NUDC: variants seen among roughly 807,000 people sequenced by gnomAD.
The protein encoded by NUDC is nuclear distribution C, dynein complex regulator.
In NUDC, 14 loss-of-function variants were observed where a neutral mutation model predicts 45.0. The ratio of observed to expected loss-of-function variants is 0.31; its 90% CI spans 0.21 to 0.49. The LOEUF is 0.49. NUDC is among the 20% of genes least tolerant of loss of function. The probability of loss-of-function intolerance (pLI) is 0.99; values close to 1 mark genes in which losing one functional copy is unlikely to be tolerated. For missense variants in NUDC, 323 were observed against 426.2 expected, an observed-to-expected ratio of 0.76 and a Z score of 2.13; for synonymous variants, 153 against 156.7, an observed-to-expected ratio of 0.98 and a Z score of 0.17.
rs1352463386 is a variant in NUDC at position 26,924,155 on chromosome 1, A to G, written c.148A>G (p.Met50Val). The G allele has an allele frequency of 1.2e-6, 2 of 1,614,054 alleles. No homozygotes were observed. Among genetic ancestry groups the G allele is most frequent in the Non-Finnish European group, 1.7e-6 (2 of 1,179,936 alleles). Residue 50 changes from methionine to valine, a missense_variant, in exon 2 of 9, where the codon ATG becomes GTG. Physicochemically the swap from Met to Val is conservative, Grantham distance 21. This residue lies in a region of NUDC where 245 missense variants were observed against 278.8 expected (regional missense o/e 0.88). Coordinates refer to ENST00000321265, the MANE Select transcript of NUDC (RefSeq NM_006600.4). ...CTTTTTCATTGGAGGAGAAGAAGGGATGGCAGAGAAGGTAAGTGTTGGAAA... is the reference window on the plus strand; with the variant it reads ...CTTTTTCATTGGAGGAGAAGAAGGGGTGGCAGAGAAGGTAAGTGTTGGAAA... Reference protein sequence around the residue: ...TDFFIGGEEGMAEKLITQTFS... With the variant: ...TDFFIGGEEGVAEKLITQTFS...
At chr1:26,913,556 T>C in intron 3 of NUDC, 2 of 1,614,104 alleles carry the variant, frequency 1.2e-6, no homozygotes, top group Non-Finnish European at 1.7e-6. Flanking sequence ...CTGCCTCCAC[T>C]GCTGCTGGGC....
upstream of NUDC, among the ~76,000 whole-genome samples, chr1:26,918,300 G>A (rs928082339): frequency 3.8e-3 from 148 of 38,776 alleles, no homozygotes; most frequent in African/African-American, 0.014. Context: ...TTTTTTTTTT[G>A]AGACGGAGTC....
At chr1:26,936,795 C>T (rs539218130) in intron 2 of NUDC, among the ~76,000 whole-genome samples, 24 of 151,970 alleles carry the variant, frequency 1.6e-4, no homozygotes, top group Non-Finnish European at 1.9e-4. Flanking sequence ...TACTCACAGC[C>T]GTTCTGACAC....
chr1:26,929,650 C>T, intron 2 of NUDC: 1 of 366,896 alleles, frequency 2.7e-6, no homozygotes, highest in South Asian at 2.1e-5. Flanking sequence ...CTATTGCATT[C>T]CACTTACATA....
At chr1:26,934,564 T>A (rs138303854) in intron 2 of NUDC, among the ~76,000 whole-genome samples, 88 of 152,186 alleles carry the variant, frequency 5.8e-4, no homozygotes, top group African/African-American at 2.0e-3. Flanking sequence ...CATTAACCCA[T>A]AAGTCCCAGT....
intron 2 of NUDC, among the ~76,000 whole-genome samples, chr1:26,909,939 AG>A (rs1448330021): frequency 6.6e-6 from 1 of 152,082 alleles, no homozygotes; most frequent in Non-Finnish European, 1.5e-5. Flanking sequence ...TGAAGTCACC[AG>A]GGGGAAAGAG....
At chr1:26,903,743 G>A (rs1050415854) in intron 2 of NUDC, among the ~76,000 whole-genome samples, 2 of 152,030 alleles carry the variant, frequency 1.3e-5, no homozygotes, top group Non-Finnish European at 2.9e-5. Context: ...GGGCGCGGTG[G>A]CTCACACCTG....
rs745788510 is a variant in NUDC, at chr1:26,945,416, C to G, written c.768C>G (p.Arg256=). 6.2e-7 allele frequency: 1 copy of G among 1,608,994 alleles called. No individual in the cohort carries two copies. Among genetic ancestry groups the G allele is most frequent in the African/African-American group, 1.4e-5 (1 of 73,210 alleles). ...TCAATAAGATGGAGTGGTGGAGCCG[C>G]TTGGTGTCCAGTGACCCTGAGATCA... ...EKINKMEWWS[R]LVSSDPEINT... is the part of the protein sequence containing the mutation. The change falls in exon 7 of 9, where the codon CGC becomes CGG. Residue 256 remains arginine, a synonymous_variant. Coordinates refer to ENST00000321265, the MANE Select transcript of NUDC (RefSeq NM_006600.4).
intron 2 of NUDC, among the ~76,000 whole-genome samples, chr1:26,933,101 A>G (rs952278293): frequency 2.0e-5 from 3 of 151,746 alleles, no homozygotes; most frequent in African/African-American, 7.3e-5. Context: ...ACGCCCGGCT[A>G]ATTTTTGTAT....
chr1:26,926,791 G>A (rs1344885929), intron 2 of NUDC, among the ~76,000 whole-genome samples: 1 of 151,982 alleles, frequency 6.6e-6, no homozygotes, highest in African/African-American at 2.4e-5. Flanking sequence ...GTAGAGACAG[G>A]TTTCACCATG....
chr1:26,936,995 C>T (rs1246613649), intron 2 of NUDC, among the ~76,000 whole-genome samples: 8 of 152,166 alleles, frequency 5.3e-5, no homozygotes, highest in African/African-American at 1.4e-4. Flanking sequence ...CAAATTGCCT[C>T]GTGTACTTCT....
chr1:26,926,563 T>C (rs1299599149), intron 2 of NUDC, among the ~76,000 whole-genome samples: 1 of 152,212 alleles, frequency 6.6e-6, no homozygotes. Flanking sequence ...AAAGCACTTT[T>C]AGTTTTTATA....
chr1:26,935,446 G>A (rs1383127266), intron 2 of NUDC, among the ~76,000 whole-genome samples: 4 of 152,134 alleles, frequency 2.6e-5, no homozygotes, highest in African/African-American at 4.8e-5. Context: ...CAGTCAGGGT[G>A]GAAGGTGAAG....
intron 2 of NUDC, among the ~76,000 whole-genome samples, chr1:26,928,970 A>C (rs2082156469): frequency 6.6e-6 from 1 of 152,186 alleles, no homozygotes; most frequent in South Asian, 2.1e-4. Context: ...ACCCATGTTC[A>C]CAGCAGCCTT....
rs1414372900 is a variant in NUDC at position 26,942,862 on chromosome 1, C to T, written c.547-9C>T. 13 of 1,613,730 alleles carry T rather than the reference C, an allele frequency of 8.1e-6. No individual in the cohort carries two copies. The highest frequency in any genetic ancestry group is 5.3e-5 in the African/African-American group (4 of 74,910). Reference sequence around the variant, plus strand: ...AGTGGCCTCTTCTGACTGCCTCTGCCCTATGCAGCTGGCGGTCCCTTTCTG... The same window carrying T: ...AGTGGCCTCTTCTGACTGCCTCTGCTCTATGCAGCTGGCGGTCCCTTTCTG... On this transcript the variant is annotated splice_polypyrimidine_tract_variant and intron_variant, in intron 5 of 8. Transcript: ENST00000321265.
Position 26,941,553 on chromosome 1 carries a change from G to C in NUDC, c.256G>C (p.Glu86Gln), listed in dbSNP as rs2082276703. 1.2e-6 allele frequency: 2 copies of C among 1,611,386 alleles called. No individual in the cohort carries two copies. The highest frequency in any genetic ancestry group is 1.7e-6 in the Non-Finnish European group (2 of 1,179,120). ...GGAGGCCGAGCGGCGGGAGAAGGCG[G>C]AGCGGGCGGCCAGACTGGCCAAGGA... ...RQEAERREKA[E>Q]RAARLAKEAK... Residue 86 changes from glutamate to glutamine, a missense_variant, in exon 3 of 9, where the codon GAG becomes CAG. Physicochemically the swap from Glu to Gln is conservative, Grantham distance 29. Around this residue, in one of 3 missense-constraint regions of NUDC, gnomAD observed 245 missense variants for 278.8 expected, o/e 0.88. Coordinates refer to ENST00000321265, the MANE Select transcript of NUDC (RefSeq NM_006600.4).
At chr1:26,911,647 C>T in intron 3 of NUDC, 1 of 640,786 alleles carries the variant, frequency 1.6e-6, no homozygotes, top group Non-Finnish European at 2.8e-6. Context: ...AAAAGCCTCC[C>T]AGGCAGCTGG....
At chr1:26,926,108 T>G (rs1052112659) in intron 2 of NUDC, among the ~76,000 whole-genome samples, 9 of 151,328 alleles carry the variant, frequency 5.9e-5, no homozygotes, top group African/African-American at 2.2e-4. Flanking sequence ...TGTCTGCCTC[T>G]TGGGTTCAAG....
chr1:26,944,812 A>C (rs1269108796), intron 6 of NUDC, among the ~76,000 whole-genome samples: 1 of 151,240 alleles, frequency 6.6e-6, no homozygotes, highest in African/African-American at 2.4e-5. Context: ...AGACTGAGGC[A>C]GGCAGATCAT....
Sources: gnomAD v4.1 joint callset for allele counts (sites outside exome capture counted in the v4.1 genomes callset) on GRCh38, gnomAD v4.1.1 for gene constraint, gnomAD v4.1.1 regional missense constraint, MANE v1.5 for transcripts, NCBI Gene and HGNC (gene_info 2026-07-23, HGNC 2026-07-21) for gene names.